Variants in KCNT1 observed in about 807,000 individuals in gnomAD.
The protein encoded by KCNT1 is potassium sodium-activated channel subfamily T member 1, also known as potassium channel subfamily T member 1.
In KCNT1, 78 loss-of-function variants were observed where a neutral mutation model predicts 147.8. The ratio of observed to expected loss-of-function variants is 0.53; its 90% confidence interval spans 0.44 to 0.64. The LOEUF is 0.64. KCNT1 is among the 30% of genes least tolerant of loss of function. The pLI is 0.00. For missense variants in KCNT1, 1,419 were observed against 1,750.3 expected (o/e 0.81, Z 3.38); for synonymous variants, 867 against 748.8 (o/e 1.16, Z -2.58).
chr9:135,711,285 G>A (rs1316619099), intron 1 of KCNT1, among the ~76,000 whole-genome samples: 1 of 152,198 alleles, frequency 6.6e-6, no homozygotes, highest in African/African-American at 2.4e-5. Context: ...TGGCTCCATG[G>A]CCACCGGGAA....
intron 10 of KCNT1, among the ~76,000 whole-genome samples, chr9:135,759,472 C>T (rs1336624234): frequency 6.6e-6 from 1 of 152,240 alleles, no homozygotes; most frequent in Non-Finnish European, 1.5e-5. Context: ...CAGCGTCAGG[C>T]AGGAGGTGGC....
Position 135,752,508 on chromosome 9 carries a change from TC to T in KCNT1, c.435-1425del, listed in dbSNP as rs1218183922. The T allele has an allele frequency of 2.4e-5, 11 of 452,674 alleles. No homozygotes were observed. Among genetic ancestry groups the T allele is most frequent in the Non-Finnish European group, 4.9e-5 (11 of 225,352 alleles). 28.0% of individuals were successfully genotyped at this position (452,674 alleles called of 1,614,324 possible). ...GTCCCCTGGGGCTTCTGGTTTCACA[TC>T]CCCACAGGGCCCAAGTCTGTTGTGT... is the stretch of plus-strand genomic sequence containing the variant. On this transcript the variant is annotated intron_variant, in intron 4 of 30. Transcript: ENST00000371757. This position sits in a 1 kb window ranked among gnomAD's most constrained non-coding sequence, Gnocchi z 5.1.
intron 2 of KCNT1, among the ~76,000 whole-genome samples, chr9:135,744,625 G>A (rs1016126393): frequency 1.3e-5 from 2 of 152,370 alleles, no homozygotes; most frequent in South Asian, 2.1e-4. Flanking sequence ...GGCTTCAGCC[G>A]TGTAGGGACG....
intron 2 of KCNT1, among the ~76,000 whole-genome samples, chr9:135,739,335 A>G (rs1036199163): frequency 2.0e-5 from 3 of 151,942 alleles, no homozygotes; most frequent in Non-Finnish European, 2.9e-5. Flanking sequence ...CCCAGTGTCT[A>G]TGGCAGCCAC....
chr9:135,770,078 G>T (rs1321723155), intron 16 of KCNT1, 23 bp downstream of exon 16: 4 of 1,534,980 alleles, frequency 2.6e-6, no homozygotes, highest in East Asian at 4.9e-5. Flanking sequence ...TGCCCCGGGG[G>T]ACCGACCTCC....
chr9:135,754,850 T>C (rs1831383344), intron 5 of KCNT1, among the ~76,000 whole-genome samples: 1 of 152,192 alleles, frequency 6.6e-6, no homozygotes. Context: ...CAAGGCTCCA[T>C]GGAGACTCAG....
Position 135,792,146 on chromosome 9 carries a change from C to T in KCNT1, c.3693C>T (p.Asp1231=), listed in dbSNP as rs758617654. The T allele has an allele frequency of 8.7e-6, 14 of 1,605,724 alleles. No individual in the cohort carries two copies. The East Asian group carries it at 1.8e-4, about 20-fold the overall frequency. The change falls in exon 31 of 31, where the codon GAC becomes GAT. Residue 1231 remains aspartate (D), a synonymous_variant. Transcript: ENST00000371757. The stretch of plus-strand genomic sequence containing the variant: ...CGTCCTGCAACCCCGAGACTCGCGA[C>T]GAGACACAGCTCTGAGCCAGCCCTG... ...KLSSCNPETR[D]ETQL is the part of the protein sequence containing the mutation.
chr9:135,716,966 C>T (rs866748096), intron 2 of KCNT1, among the ~76,000 whole-genome samples: 17 of 152,222 alleles, frequency 1.1e-4, no homozygotes, highest in African/African-American at 4.1e-4. Flanking sequence ...CATACCTTTT[C>T]TCATGTGTGA....
chr9:135,710,945 G>A lies in KCNT1; in HGVS notation c.111-3632G>A, dbSNP rs572871187. Among the ~76,000 whole-genome samples the A allele has an allele frequency of 4.9e-4, 75 of 152,226 alleles. 1 individual carries two copies. Among genetic ancestry groups the A allele is most frequent in the Non-Finnish European group, 1.0e-3 (69 of 68,024 alleles). ...ACGCTGTGCGCCCCTGTGGGTTTGG[G>A]GCTCCCGCGCCTGCTGTGAGCAGGG... On this transcript the variant is annotated intron_variant, in intron 1 of 30. Coordinates refer to ENST00000371757, the MANE Select transcript of KCNT1 (RefSeq NM_020822.3).
chr9:135,737,490 G>A (rs1830391556), intron 2 of KCNT1, among the ~76,000 whole-genome samples: 1 of 152,242 alleles, frequency 6.6e-6, no homozygotes, highest in Non-Finnish European at 1.5e-5. Context: ...AAATGAGGAT[G>A]AATCAGACCT....
At chr9:135,779,249 A>G in intron 23 of KCNT1, 110 bp from the exon 24 acceptor site, 1 of 236,976 alleles carries the variant, frequency 4.2e-6, no homozygotes, top group Non-Finnish European at 7.5e-6. Flanking sequence ...ACCCCCCCAC[A>G]GCCATGGGAC....
chr9:135,770,954 T>C lies in KCNT1; in HGVS notation c.1867T>C (p.Phe623Leu), dbSNP rs1392866875. The C allele has an allele frequency of 6.2e-7, 1 of 1,613,730 alleles. No individual in the cohort carries two copies. Among genetic ancestry groups the C allele is most frequent in the Non-Finnish European group, 8.5e-7 (1 of 1,179,906 alleles). ...RHILAASDTC[F>L]YINITKEENS... The stretch of plus-strand genomic sequence containing the variant: ...CATCCTGGCCGCCTCTGACACCTGC[T>C]TCTACATCAACATCACCAAGGAGGA... Residue 623 changes from phenylalanine (F) to leucine (L), a missense_variant, in exon 18 of 31, where the codon TTC becomes CTC. Phe to Leu is a conservative substitution (Grantham distance 22). Transcript: ENST00000371757.
In KCNT1 at chr9:135,784,628, C is replaced by A; in HGVS notation, c.3027+10C>A. 1 of 1,611,704 alleles carries A rather than the reference C, an allele frequency of 6.2e-7. No homozygotes were observed. The highest frequency in any genetic ancestry group is 1.1e-5 in the South Asian group (1 of 91,010). ...GGGGTACCTCTGTGCCGTAAGTGCC[C>A]CTGGCTGCGCTGGGCTGGGGGCGTG... is the stretch of plus-strand genomic sequence containing the variant. On this transcript the variant is annotated intron_variant, in intron 26 of 30. Coordinates refer to ENST00000371757, the MANE Select transcript of KCNT1 (RefSeq NM_020822.3).
chr9:135,768,784 A>G (rs1325878786), intron 14 of KCNT1, 45 bp from the exon 15 acceptor site: 1 of 1,573,526 alleles, frequency 6.4e-7, no homozygotes, highest in African/African-American at 1.3e-5. Context: ...CCAGCAGCCC[A>G]CAGAGGCCAG....
rs577049952 is a variant in KCNT1 at position 135,759,880 on chromosome 9, C to A, written c.1035+21C>A. The A allele has an allele frequency of 2.5e-6, 4 of 1,573,636 alleles. No individual in the cohort carries two copies. The East Asian group carries it at 9.0e-5, about 36-fold the overall frequency. ...TGCAGGTGGGTCCTCTGGGCACCAG[C>A]CCTGGGTGGCACCAGCAAAGGGACA... On this transcript the variant is annotated intron_variant, in intron 11 of 30. Coordinates refer to ENST00000371757, the MANE Select transcript of KCNT1 (RefSeq NM_020822.3).
intron 2 of KCNT1, among the ~76,000 whole-genome samples, chr9:135,728,404 G>A (rs141708513): frequency 9.2e-5 from 14 of 152,348 alleles, no homozygotes; most frequent in African/African-American, 3.1e-4. Flanking sequence ...AAGAGCCAGC[G>A]GCCAAGCCAC....
intron 20 of KCNT1, among the ~76,000 whole-genome samples, chr9:135,776,458 G>T (rs1473068523): frequency 6.6e-6 from 1 of 151,822 alleles, no homozygotes; most frequent in Non-Finnish European, 1.5e-5. Context: ...GTAGTGATGG[G>T]GTCTCACTAT....
intron 15 of KCNT1, 62 bp from the exon 16 acceptor site, chr9:135,769,885 A>G: frequency 8.3e-7 from 1 of 1,205,712 alleles, no homozygotes; most frequent in Non-Finnish European, 1.2e-6. Context: ...GTGAGCAGGT[A>G]CTGTGGGGGA....
chr9:135,747,596 C>G (rs1030998085), intron 2 of KCNT1, among the ~76,000 whole-genome samples: 1 of 152,178 alleles, frequency 6.6e-6, no homozygotes, highest in Non-Finnish European at 1.5e-5. Flanking sequence ...CAAAGAGACA[C>G]TTATGCAGGG....
Sources: allele counts gnomAD v4.1 joint callset (sites outside exome capture counted in the v4.1 genomes callset), GRCh38; gene constraint gnomAD v4.1.1; non-coding constraint Gnocchi (gnomAD v3.1); transcripts MANE v1.5; gene names NCBI Gene and HGNC (gene_info 2026-07-23, HGNC 2026-07-21).